BRD8: variants seen among roughly 807,000 people sequenced by gnomAD.
BRD8 encodes bromodomain containing 8.
Under a neutral mutation model 143.1 loss-of-function variants are expected in BRD8, and 67 were observed. The observed-to-expected ratio is 0.47, with a 90% CI of 0.38 to 0.57. BRD8 has a LOEUF of 0.57. Among genes scored for constraint, BRD8 ranks in the 20% least tolerant of loss-of-function variants. The pLI is 0.00. For synonymous variants in BRD8, 505 were observed against 517.1 expected (o/e 0.98, Z 0.32); for missense variants, 1,103 against 1,503.0 (o/e 0.73, Z 4.40).
At chr5:138,168,506 C>T in intron 8 of BRD8, 2 of 1,604,510 alleles carry the variant, frequency 1.2e-6, no homozygotes, top group Non-Finnish European at 1.7e-6. Flanking sequence ...TGCCCTTCTT[C>T]AAGAGCTCTG....
At chr5:138,161,431 T>C (rs1175111741) in intron 17 of BRD8, among the ~76,000 whole-genome samples, 4 of 152,030 alleles carry the variant, frequency 2.6e-5, no homozygotes, top group East Asian at 1.9e-4. Flanking sequence ...CCTTCCCACC[T>C]CAGCCTCCCA....
chr5:138,149,770 C>T lies in BRD8; in HGVS notation c.3148G>A (p.Glu1050Lys). The T allele has an allele frequency of 6.2e-7, 1 of 1,610,136 alleles. No individual in the cohort carries two copies. The highest frequency in any genetic ancestry group is 1.7e-4 in the Middle Eastern group (1 of 6,054). ...EGEAQQESKG[E>K]DQGEVYVSEM... The stretch of plus-strand genomic sequence containing the variant: ...GACACATATACTTCACCCTGGTCCT[C>T]CCCTTTGGATTCTTGCTGAGCCTCC... Residue 1050 changes from glutamate to lysine, a missense_variant, in exon 23 of 27, where the codon GAG becomes AAG. Glu to Lys is a moderately conservative substitution (Grantham distance 56). Coordinates refer to ENST00000254900, the MANE Select transcript of BRD8 (RefSeq NM_139199.2).
chr5:138,164,113 C>G lies in BRD8; in HGVS notation c.1846G>C (p.Gly616Arg). Residue 616 changes from glycine (G) to arginine (R), a missense_variant, in exon 14 of 27, where the codon GGG (glycine) becomes CGG (arginine). By Grantham distance (125) the Gly-to-Arg change is moderately radical. Transcript: ENST00000254900. ...EMSDSLKEES[G>R]TIFGSQIKDA... ...TTTATCTGGCTTCCAAAAATAGTCC[C>G]TGATTCTTCTTTCAATGAGTCTGCA... 1 of 1,614,052 alleles carries G rather than the reference C, an allele frequency of 6.2e-7. No homozygotes were observed. The highest frequency in any genetic ancestry group is 1.7e-4 in the Middle Eastern group (1 of 6,060).
Position 138,150,969 on chromosome 5 carries a change from C to A in BRD8, c.2896G>T (p.Glu966Ter). 6.2e-7 allele frequency: 1 copy of A among 1,613,918 alleles called. No individual in the cohort carries two copies. The highest frequency in any genetic ancestry group is 8.5e-7 in the Non-Finnish European group (1 of 1,180,026). ...GGAGGGCAGCAGCCTTCACTTGATT[C>A]GTTGCTGCTGATGCACAAGGGCTCC... ...LMEPLCISSN[E>*]SSEGCCPPSG... The change falls in exon 22 of 27, where the codon GAA becomes TAA. Residue 966 changes from glutamate (E) to a stop codon, truncating the protein, a stop_gained. Transcript: ENST00000254900. LOFTEE classifies it high-confidence loss of function.
chr5:138,178,372 A>T (rs1754537961), intron 1 of BRD8, among the ~76,000 whole-genome samples: 1 of 152,160 alleles, frequency 6.6e-6, no homozygotes, highest in Non-Finnish European at 1.5e-5. Context: ...ACTAGGATTC[A>T]CTAAGCTGCT....
chr5:138,140,652 A>C, intron 26 of BRD8, 53 bp downstream of exon 26: 1 of 1,556,892 alleles, frequency 6.4e-7, no homozygotes. Flanking sequence ...CTTTATTCTC[A>C]TAGGCGTTCT....
intron 22 of BRD8, 124 bp from the exon 23 acceptor site, chr5:138,149,921 A>G (rs1265014593): frequency 1.2e-6 from 1 of 835,824 alleles, no homozygotes; most frequent in African/African-American, 1.7e-5. Flanking sequence ...TAAAGCTACA[A>G]AAGAAATTAA....
chr5:138,139,891 A>G lies in BRD8; in HGVS notation c.*183T>C. ...CATTTATGGCATAAATCCAAACCTCAGCTTCCCCTTTTTTTCTTTATATTA... is the reference window on the plus strand; with the variant it reads ...CATTTATGGCATAAATCCAAACCTCGGCTTCCCCTTTTTTTCTTTATATTA... On this transcript the variant is annotated 3_prime_UTR_variant, in exon 27 of 27. Coordinates refer to ENST00000254900, the MANE Select transcript of BRD8 (RefSeq NM_139199.2). 1 of 555,224 alleles carries G rather than the reference A, an allele frequency of 1.8e-6. No homozygotes were observed. Among genetic ancestry groups the G allele is most frequent in the East Asian group, 2.9e-5 (1 of 34,998 alleles). 34.4% of individuals were successfully genotyped at this position (555,224 alleles called of 1,614,324 possible). A position where few individuals can be genotyped will look rare whatever the true frequency, so the allele number is the denominator to read the frequency against.
At position 138,166,739 on chromosome 5, in the gene BRD8, AG is replaced by A; in HGVS notation, c.788-13del. The A allele has an allele frequency of 6.6e-7, 1 of 1,521,776 alleles. No individual in the cohort carries two copies. The highest frequency in any genetic ancestry group is 9.1e-7 in the Non-Finnish European group (1 of 1,097,744). The allele number at this position is 1,521,776 out of a possible 1,614,324, so 94.3% of individuals were successfully genotyped here. A position where few individuals can be genotyped will look rare whatever the true frequency, so the allele number is the denominator to read the frequency against. On this transcript the variant is annotated splice_polypyrimidine_tract_variant and intron_variant, in intron 9 of 26. Coordinates refer to ENST00000254900, the MANE Select transcript of BRD8 (RefSeq NM_139199.2). ...AAGAGTGGGAGCACCTAACATATAA[AG>A]AGGTACACAAAATGAAGTAAGAAGA...
At chr5:138,177,488 G>T in intron 2 of BRD8, 83 bp downstream of exon 2, 1 of 833,520 alleles carries the variant, frequency 1.2e-6, no homozygotes. Context: ...AGCTTAATAT[G>T]ATTAACTATA....
At chr5:138,156,897 C>A in intron 20 of BRD8, 1 of 1,066,790 alleles carries the variant, frequency 9.4e-7, no homozygotes, top group East Asian at 7.1e-5. Context: ...TTTTTTTTTT[C>A]AGTTTATTGT....
In BRD8 at chr5:138,139,917, T is replaced by C; in HGVS notation, c.*157A>G. ...GCTTCCCCTTTTTTTCTTTATATTA[T>C]GTCCACATGCATCTTTGACTCGTTG... On this transcript the variant is annotated 3_prime_UTR_variant, in exon 27 of 27. Transcript: ENST00000254900. 1.7e-6 allele frequency: 1 copy of C among 585,636 alleles called. No homozygotes were observed. 36.3% of individuals were successfully genotyped at this position (585,636 alleles called of 1,614,324 possible). A position where few individuals can be genotyped will look rare whatever the true frequency, so the allele number is the denominator to read the frequency against.
intron 18 of BRD8, 76 bp from the exon 19 acceptor site, chr5:138,160,249 T>A: frequency 1.0e-6 from 1 of 977,636 alleles, no homozygotes; most frequent in Non-Finnish European, 1.7e-6. Flanking sequence ...TTAAGCACTG[T>A]AAATAGAACT....
intron 20 of BRD8, chr5:138,157,192 G>A (rs370027543): frequency 2.5e-6 from 4 of 1,612,662 alleles, no homozygotes; most frequent in Non-Finnish European, 3.4e-6. Context: ...GGCTCAAAGA[G>A]GGTAACTCTG....
chr5:138,165,286 G>T (rs1372151299), intron 11 of BRD8, 120 bp from the exon 12 acceptor site: 3 of 1,099,460 alleles, frequency 2.7e-6, no homozygotes, highest in Non-Finnish European at 3.9e-6. Flanking sequence ...TTTCCATGTA[G>T]TGGAGGCAAA....
At chr5:138,148,377 GT>G (rs1023441235) in intron 23 of BRD8, among the ~76,000 whole-genome samples, 1 of 151,944 alleles carries the variant, frequency 6.6e-6, no homozygotes, top group African/African-American at 2.4e-5. Context: ...TTTATTTCTT[GT>G]TTTGTTTTCT....
At position 138,168,438 on chromosome 5, in the gene BRD8, C is replaced by T. The variant is rs374364163; in HGVS notation, c.643-360G>A. 4.1e-6 allele frequency: 6 copies of T among 1,473,010 alleles called. No individual in the cohort carries two copies. The Admixed American group carries it at 7.1e-5, about 17-fold the overall frequency. 91.2% of individuals were successfully genotyped at this position (1,473,010 alleles called of 1,614,324 possible). A position where few individuals can be genotyped will look rare whatever the true frequency, so the allele number is the denominator to read the frequency against. ...CTCCCTTCCAAGTACTAAATCACCA[C>T]AGCTCTCAAACACCCACAGAAGTCT... is the stretch of plus-strand genomic sequence containing the variant. On this transcript the variant is annotated intron_variant, in intron 8 of 26. Transcript: ENST00000254900.
chr5:138,142,487 G>A (rs921822100), intron 25 of BRD8, among the ~76,000 whole-genome samples: 10 of 152,070 alleles, frequency 6.6e-5, no homozygotes, highest in South Asian at 2.1e-4. Context: ...AAAATAGGCC[G>A]AGCACAGTGG....
At chr5:138,147,308 A>ATG (rs983724531) in intron 23 of BRD8, among the ~76,000 whole-genome samples, 28 of 149,048 alleles carry the variant, frequency 1.9e-4, no homozygotes, top group Admixed American at 1.2e-3. Context: ...AAATATATAT[A>ATG]TATATATATT....
Sources: allele counts gnomAD v4.1 joint callset (sites outside exome capture counted in the v4.1 genomes callset), GRCh38; gene constraint gnomAD v4.1.1; transcripts MANE v1.5; gene names NCBI Gene and HGNC (gene_info 2026-07-23, HGNC 2026-07-21).